GARNL3: variants seen among roughly 807,000 people sequenced by gnomAD.
GARNL3 encodes GTPase activating Rap/RanGAP domain like 3, also known as GTPase-activating Rap/Ran-GAP domain-like protein 3.
A neutral mutation model predicts 125.0 loss-of-function variants in GARNL3; 63 were observed. The observed-to-expected ratio is 0.50, with a 90% CI of 0.41 to 0.62. The LOEUF (loss-of-function observed/expected upper bound fraction) is 0.62, where lower values mean the gene tolerates loss of function less well. Among genes scored for constraint, GARNL3 ranks in the 20% least tolerant of loss-of-function variants. GARNL3 has a pLI of 0.00. For synonymous variants in GARNL3, 439 were observed against 457.5 expected, an observed-to-expected ratio of 0.96 and a Z score of 0.52; for missense variants, 994 against 1,244.0, an observed-to-expected ratio of 0.80 and a Z score of 3.02.
At chr9:127,243,153 C>T (rs779736973) in exon 2 of GARNL3, 1 of 1,366,176 alleles carries the variant, frequency 7.3e-7, no homozygotes, top group Admixed American at 1.9e-5. Flanking sequence ...ATAGCACAAA[C>T]CATTCTATGG....
rs1033027655 is a variant in GARNL3, at chr9:127,279,072, G to C, written c.145-12096G>C. Among the ~76,000 whole-genome samples the C allele has an allele frequency of 4.6e-5, 7 of 152,098 alleles. No individual in the cohort carries two copies. In the South Asian group the frequency reaches 1.5e-3, roughly 32 times the overall value. Reference sequence around the variant, plus strand: ...AGGTTCCAGGTGGACCTGAATTTGGGGGGGGACACTATTCAACCAGTACAG... The same window carrying C: ...AGGTTCCAGGTGGACCTGAATTTGGCGGGGGACACTATTCAACCAGTACAG... On this transcript the variant is annotated intron_variant, in intron 1 of 27. Transcript: ENST00000373387.
At position 127,320,755 on chromosome 9, in the gene GARNL3, A is replaced by T. The variant is rs1379733986; in HGVS notation, c.544A>T (p.Ile182Phe). 12 of 1,611,246 alleles carry T rather than the reference A, an allele frequency of 7.4e-6. No homozygotes were observed. The highest frequency in any genetic ancestry group is 1.3e-5 in the African/African-American group (1 of 74,870). The change falls in exon 6 of 28, where the codon ATT becomes TTT. Residue 182 changes from isoleucine to phenylalanine, a missense_variant. Transcript: ENST00000373387. ...CAAATTTGAGAAAGGCCCCAGGGAA[A>T]TTTTTCATCCTGAAATACAAAAGGT... ...LDKFEKGPRE[I>F]FHPEIQKDLL...
At chr9:127,322,584 T>C (rs2065437263) in intron 6 of GARNL3, among the ~76,000 whole-genome samples, 1 of 152,188 alleles carries the variant, frequency 6.6e-6, no homozygotes, top group Non-Finnish European at 1.5e-5. Flanking sequence ...AGTGTGCATG[T>C]GTGTGTGAAT....
chr9:127,284,877 G>A (rs113614677), intron 1 of GARNL3, among the ~76,000 whole-genome samples: 4 of 151,792 alleles, frequency 2.6e-5, no homozygotes, highest in Non-Finnish European at 4.4e-5. Flanking sequence ...CTGTGTTGCC[G>A]AGGCTGGAGT....
intron 21 of GARNL3, chr9:127,362,234 A>ACTTTTT (rs200071184): frequency 6.9e-6 from 1 of 145,762 alleles, no homozygotes; most frequent in African/African-American, 2.6e-5. Flanking sequence ...ACACCCGACT[A>ACTTTTT]ATTTTTTTTT....
chr9:127,319,324 A>G (rs1384818552), intron 5 of GARNL3, among the ~76,000 whole-genome samples: 4 of 152,080 alleles, frequency 2.6e-5, no homozygotes, highest in African/African-American at 9.7e-5. Flanking sequence ...CTCTACTAAA[A>G]TACAAAAATT....
rs143116459 is a variant in GARNL3, at chr9:127,274,317, C to T, written c.144+9296C>T. 7.1e-4 allele frequency among the ~76,000 whole-genome samples: 108 copies of T among 152,252 alleles called. 1 individual carries two copies. Among genetic ancestry groups the T allele is most frequent in the African/African-American group, 2.5e-3 (103 of 41,552 alleles). ...GTGCTGTGTTAATGACATGCATAGGCGGGTCACAAACTGTAACAAATCCAC... is the reference window on the plus strand; with the variant it reads ...GTGCTGTGTTAATGACATGCATAGGTGGGTCACAAACTGTAACAAATCCAC... On this transcript the variant is annotated intron_variant, in intron 1 of 27. Transcript: ENST00000373387.
At chr9:127,230,087 TG>T (rs1223840247) in intron 1 of GARNL3, among the ~76,000 whole-genome samples, 4 of 152,224 alleles carry the variant, frequency 2.6e-5, no homozygotes, top group Non-Finnish European at 5.9e-5. Context: ...CCACTTGCCC[TG>T]GATGTGTTTG....
At chr9:127,356,314 C>T (rs548888998) in intron 20 of GARNL3, 1 of 152,176 alleles carries the variant, frequency 6.6e-6, no homozygotes, top group African/African-American at 2.4e-5. Flanking sequence ...GTGGGCAATG[C>T]TTTCCTGCTT....
At chr9:127,287,685 G>A (rs2064291230) in intron 1 of GARNL3, among the ~76,000 whole-genome samples, 1 of 152,168 alleles carries the variant, frequency 6.6e-6, no homozygotes, top group Non-Finnish European at 1.5e-5. Context: ...CCCACCTACT[G>A]CCCTCCCACC....
intron 20 of GARNL3, chr9:127,356,582 G>A (rs1332102982): frequency 6.6e-6 from 1 of 152,256 alleles, no homozygotes; most frequent in Non-Finnish European, 1.5e-5. Context: ...AGGGGACAGA[G>A]CAACATGACA....
At chr9:127,342,892 C>CTT (rs59554997) in intron 14 of GARNL3, among the ~76,000 whole-genome samples, 5 of 81,600 alleles carry the variant, frequency 6.1e-5, no homozygotes, top group African/African-American at 8.1e-5. Context: ...GTGCTCTTTT[C>CTT]TTTTTTTTTT....
chr9:127,252,681 ATTTAAG>A (rs745547805), intron 2 of GARNL3, among the ~76,000 whole-genome samples: 33 of 152,334 alleles, frequency 2.2e-4, no homozygotes, highest in Non-Finnish European at 3.7e-4. Context: ...GTAGATATTT[ATTTAAG>A]TTTAAGTTCA....
In GARNL3 at chr9:127,256,863, A is replaced by G. The variant is rs75405660; in HGVS notation, c.144-8089A>G. Among the ~76,000 whole-genome samples the G allele has an allele frequency of 2.7e-3, 413 of 152,330 alleles. 2 individuals are homozygous for G. Among genetic ancestry groups the G allele is most frequent in the African/African-American group, 9.4e-3 (389 of 41,574 alleles). On this transcript the variant is annotated intron_variant, in intron 2 of 10. Transcript: ENST00000439286. ...GATGTTTAGATTTGCCCAGTTTTAC[A>G]TGCAGTTTTATTACATGTGTAGGTT...
At chr9:127,229,149 T>A (rs1273005663) in intron 1 of GARNL3, among the ~76,000 whole-genome samples, 2 of 152,180 alleles carry the variant, frequency 1.3e-5, no homozygotes, top group African/African-American at 4.8e-5. Flanking sequence ...TAAAAGTGAA[T>A]TCCTTAACTT....
intron 22 of GARNL3, among the ~76,000 whole-genome samples, chr9:127,378,243 CAAAAA>C (rs386361566): frequency 1.1e-5 from 1 of 88,258 alleles, no homozygotes. Context: ...GACTCTGTCT[CAAAAA>C]AAAAAAAAAA....
At chr9:127,320,850 C>A in intron 6 of GARNL3, 72 bp downstream of exon 6, 1 of 1,031,572 alleles carries the variant, frequency 9.7e-7, no homozygotes, top group Non-Finnish European at 1.5e-6. Context: ...GACAGGTCAT[C>A]ATAATCCTTA....
intron 16 of GARNL3, among the ~76,000 whole-genome samples, 169 bp from the exon 17 acceptor site, chr9:127,348,755 T>C (rs1830272919): frequency 6.6e-6 from 1 of 152,270 alleles, no homozygotes; most frequent in Non-Finnish European, 1.5e-5. Context: ...AGGAGACTTT[T>C]CTTCCTAAGA....
chr9:127,297,272 G>C (rs1166609679), intron 2 of GARNL3, among the ~76,000 whole-genome samples: 2 of 152,018 alleles, frequency 1.3e-5, no homozygotes, highest in African/African-American at 2.4e-5. Flanking sequence ...CTGTGCAGCT[G>C]GGCCTACAGG....
Sources: allele counts gnomAD v4.1 joint callset (sites outside exome capture counted in the v4.1 genomes callset), GRCh38; gene constraint gnomAD v4.1.1; transcripts MANE v1.5; gene names NCBI Gene and HGNC (gene_info 2026-07-23, HGNC 2026-07-21).